Variants in BTF3L4 observed in about 807,000 individuals in gnomAD.
BTF3L4 encodes the protein basic transcription factor 3 like 4.
BTF3L4 carries 6 observed loss-of-function variants against 16.8 expected under a neutral mutation model. The ratio of observed to expected loss-of-function variants is 0.36; its 90% CI spans 0.20 to 0.71. BTF3L4 has a LOEUF of 0.71. Ranked by LOEUF, BTF3L4 falls within the 30% of genes least tolerant of loss-of-function variation. BTF3L4 has a pLI of 0.58. For missense variants in BTF3L4, 92 were observed against 186.9 expected, an observed-to-expected ratio of 0.49 and a Z score of 2.96; for synonymous variants, 39 against 59.8, an observed-to-expected ratio of 0.65 and a Z score of 1.60.
At position 52,084,414 on chromosome 1, in the gene BTF3L4, G is replaced by A. The variant is rs531572279; in HGVS notation, c.370+873G>A. Among the ~76,000 whole-genome samples the A allele has an allele frequency of 2.6e-5, 4 of 152,126 alleles. No individual in the cohort carries two copies. The South Asian group carries it at 6.2e-4, about 24-fold the overall frequency. On this transcript the variant is annotated intron_variant, in intron 4 of 5. Transcript: ENST00000313334. ...TACCTACCGCCTCCCAATGTGCTAG[G>A]ATTACAGGCGTGAGCTACCATGCTT...
intron 4 of BTF3L4, among the ~76,000 whole-genome samples, chr1:52,085,254 C>T (rs1202789093): frequency 4.0e-5 from 6 of 151,396 alleles, no homozygotes; most frequent in South Asian, 2.1e-4. Context: ...CTCCTGACCT[C>T]GTGATCCACC....
At chr1:52,056,827 T>C (rs1237201875) in intron 1 of BTF3L4, among the ~76,000 whole-genome samples, 1 of 152,254 alleles carries the variant, frequency 6.6e-6, no homozygotes, top group East Asian at 1.9e-4. Context: ...TACAGCACTC[T>C]TCACCTTGTA....
rs556855856 is a variant in BTF3L4, at chr1:52,086,328, C to CA, written c.430+158dup. 3.8e-4 allele frequency: 201 copies of CA among 531,650 alleles called. 4 individuals are homozygous for CA. In the South Asian group the frequency reaches 6.8e-3, roughly 18 times the overall value. The allele number at this position is 531,650 out of a possible 1,614,324, so 32.9% of individuals were successfully genotyped here. A position where few individuals can be genotyped will look rare whatever the true frequency, so the allele number is the denominator to read the frequency against. ...AGGATCTAATGAAAAACAACGTAAG[C>CA]ACCCACCTTAGAACCTAGAATCAGA... On this transcript the variant is annotated intron_variant, in intron 5 of 5. Transcript: ENST00000313334.
chr1:52,063,835 A>C (rs1052376537), intron 2 of BTF3L4, among the ~76,000 whole-genome samples: 2 of 152,178 alleles, frequency 1.3e-5, no homozygotes, highest in African/African-American at 4.8e-5. Flanking sequence ...TCTTGTGAGA[A>C]TCTGACCCCT....
In BTF3L4 at chr1:52,088,276, T is replaced by C. The variant is rs1346727267; in HGVS notation, c.*1518T>C. ...AGATCTGTAGACATGAAGGCAAAGC[T>C]CTTGTATTTTTTTTCATCCAAACAC... On this transcript the variant is annotated 3_prime_UTR_variant, in exon 6 of 6. Coordinates refer to ENST00000313334, the MANE Select transcript of BTF3L4 (RefSeq NM_152265.5). The C allele has an allele frequency of 6.6e-6, 1 of 152,582 alleles. No homozygotes were observed. Among genetic ancestry groups the C allele is most frequent in the Non-Finnish European group, 1.5e-5 (1 of 68,024 alleles). The allele number at this position is 152,582 out of a possible 1,614,324, so 9.5% of individuals were successfully genotyped here. A position where few individuals can be genotyped will look rare whatever the true frequency, so the allele number is the denominator to read the frequency against.
At chr1:52,061,548 G>A (rs928618636) in intron 2 of BTF3L4, among the ~76,000 whole-genome samples, 6 of 149,402 alleles carry the variant, frequency 4.0e-5, no homozygotes, top group African/African-American at 1.2e-4. Context: ...AAAAAGGGTT[G>A]TCATTTCCAT....
intron 3 of BTF3L4, among the ~76,000 whole-genome samples, chr1:52,078,687 T>C (rs942914552): frequency 2.0e-5 from 3 of 152,134 alleles, no homozygotes; most frequent in African/African-American, 7.2e-5. Flanking sequence ...CATATATAAA[T>C]ACACTAGGAA....
chr1:52,059,541 A>G (rs1291766746), intron 1 of BTF3L4, among the ~76,000 whole-genome samples: 1 of 152,236 alleles, frequency 6.6e-6, no homozygotes, highest in Non-Finnish European at 1.5e-5. Context: ...CTGAATGCCA[A>G]AGGATTGAAT....
At chr1:52,059,170 A>G (rs1007912224) in intron 1 of BTF3L4, among the ~76,000 whole-genome samples, 4 of 152,086 alleles carry the variant, frequency 2.6e-5, no homozygotes, top group African/African-American at 9.7e-5. Flanking sequence ...CTTGACAAGT[A>G]TAACATACTA....
chr1:52,071,397 G>A (rs961889959), intron 3 of BTF3L4: 6 of 151,996 alleles, frequency 3.9e-5, no homozygotes, highest in Admixed American at 6.6e-5. Flanking sequence ...TATGTTTTTC[G>A]CTATCTCATA....
intron 3 of BTF3L4, among the ~76,000 whole-genome samples, chr1:52,082,725 C>T (rs1427302009): frequency 7.9e-6 from 1 of 126,264 alleles, no homozygotes; most frequent in Non-Finnish European, 1.7e-5. Context: ...GATGACACAG[C>T]GAGATTCTGT....
At chr1:52,059,248 T>G (rs1686450863) in intron 1 of BTF3L4, among the ~76,000 whole-genome samples, 1 of 152,230 alleles carries the variant, frequency 6.6e-6, no homozygotes, top group Non-Finnish European at 1.5e-5. Flanking sequence ...GAAAACCTGG[T>G]TCTCTTTCCC....
intron 3 of BTF3L4, among the ~76,000 whole-genome samples, chr1:52,068,662 T>G (rs1231061853): frequency 6.6e-6 from 1 of 152,130 alleles, no homozygotes; most frequent in East Asian, 1.9e-4. Context: ...TTCTTGGCCT[T>G]TTAATTTCCT....
At chr1:52,084,539 A>G (rs1643952861) in intron 4 of BTF3L4, among the ~76,000 whole-genome samples, 1 of 151,858 alleles carries the variant, frequency 6.6e-6, no homozygotes, top group Admixed American at 6.6e-5. Context: ...CTCCTGTAAT[A>G]CCAGCACTTT....
chr1:52,073,601 C>T (rs1686854389), intron 3 of BTF3L4, among the ~76,000 whole-genome samples: 1 of 134,754 alleles, frequency 7.4e-6, no homozygotes, highest in Admixed American at 8.8e-5. Flanking sequence ...GCCTGTAATT[C>T]CAACACTTTG....
At chr1:52,078,470 G>C (rs1686988043) in intron 3 of BTF3L4, among the ~76,000 whole-genome samples, 3 of 151,998 alleles carry the variant, frequency 2.0e-5, no homozygotes, top group Admixed American at 2.0e-4. Flanking sequence ...AATAAGGCAT[G>C]GTCTCTGATC....
rs1409593054 is a variant in BTF3L4, at chr1:52,083,608, G to A, written c.370+67G>A. ...CTTAAAGAACCTAATCATTTAAAAG[G>A]TGTCCCATCTTAATTTGGATTTGCC... is the stretch of plus-strand genomic sequence containing the variant. On this transcript the variant is annotated intron_variant, in intron 4 of 5. Transcript: ENST00000313334. The A allele has an allele frequency of 4.0e-6, 5 of 1,248,228 alleles. No individual in the cohort carries two copies. In the African/African-American group the frequency reaches 7.5e-5, roughly 19 times the overall value. The allele number at this position is 1,248,228 out of a possible 1,614,324, so 77.3% of individuals were successfully genotyped here. A position where few individuals can be genotyped will look rare whatever the true frequency, so the allele number is the denominator to read the frequency against.
chr1:52,085,011 ATCTTT>A, intron 4 of BTF3L4, among the ~76,000 whole-genome samples: 1 of 131,300 alleles, frequency 7.6e-6, no homozygotes, highest in Middle Eastern at 3.7e-3. Context: ...AATGAAAAAA[ATCTTT>A]TTTTTTTTTT....
intron 3 of BTF3L4, among the ~76,000 whole-genome samples, chr1:52,081,463 GAA>G (rs980132705): frequency 6.6e-6 from 1 of 152,084 alleles, no homozygotes; most frequent in Non-Finnish European, 1.5e-5. Flanking sequence ...GTCTTGATTT[GAA>G]AAATATAGTC....
Sources: gnomAD v4.1 joint callset for allele counts (sites outside exome capture counted in the v4.1 genomes callset) on GRCh38, gnomAD v4.1.1 for gene constraint, MANE v1.5 for transcripts, NCBI Gene and HGNC (gene_info 2026-07-23, HGNC 2026-07-21) for gene names.